WFDC11: variants seen among roughly 807,000 people sequenced by gnomAD.
WFDC11 encodes the protein WAP four-disulfide core domain 11.
A neutral mutation model predicts 9.9 loss-of-function variants in WFDC11; 9 were observed. The ratio of observed to expected loss-of-function variants is 0.91; its 90% CI spans 0.55 to 1.58. The LOEUF is 1.58. Among genes scored for constraint, WFDC11 ranks in the 40% most tolerant of loss-of-function variants. WFDC11 has a pLI of 0.00. For missense variants in WFDC11, 106 were observed against 101.7 expected, an observed-to-expected ratio of 1.04 and a Z score of -0.18; for synonymous variants, 32 against 33.3, an observed-to-expected ratio of 0.96 and a Z score of 0.13.
At position 45,649,287 on chromosome 20, in the gene WFDC11, G is replaced by C; in HGVS notation, c.213C>G (p.Thr71=). Residue 71 remains threonine, a synonymous_variant, in exon 4 of 5, where the codon ACC becomes ACG. Transcript: ENST00000324384. ...CKDKNYTCCW[T]YCGNICWINV... ...TTATCCAGCAGATGTTTCCACAATA[G>C]GTCCAGCAGCATGTGTAATTTTTGT... The C allele has an allele frequency of 6.2e-7, 1 of 1,613,906 alleles. No individual in the cohort carries two copies. The highest frequency in any genetic ancestry group is 1.3e-5 in the African/African-American group (1 of 74,942).
chr20:45,651,293 C>A (rs1288177544), intron 2 of WFDC11, among the ~76,000 whole-genome samples: 1 of 152,208 alleles, frequency 6.6e-6, no homozygotes, highest in African/African-American at 2.4e-5. Flanking sequence ...TGACATACAA[C>A]TTTTCAACTT....
chr20:45,665,865 C>T (rs1983177852), intron 2 of WFDC11, among the ~76,000 whole-genome samples: 1 of 152,170 alleles, frequency 6.6e-6, no homozygotes, highest in Admixed American at 6.5e-5. Flanking sequence ...CCCAGTTAGG[C>T]TACACAGGGG....
At chr20:45,654,336 G>C (rs1014431025) in intron 2 of WFDC11, among the ~76,000 whole-genome samples, 4 of 152,106 alleles carry the variant, frequency 2.6e-5, no homozygotes, top group Admixed American at 6.5e-5. Flanking sequence ...TGACTACTGG[G>C]TACATAACAA....
At chr20:45,661,632 A>T (rs1296921676) in intron 2 of WFDC11, among the ~76,000 whole-genome samples, 2 of 152,086 alleles carry the variant, frequency 1.3e-5, no homozygotes, top group Non-Finnish European at 2.9e-5. Context: ...AGCTTTCTAC[A>T]TATGGCTAGC....
Position 45,663,468 on chromosome 20 carries a change from G to A in WFDC11, c.-52+3620C>T, listed in dbSNP as rs138939848. ...CTTAGTTATTTCTTGCCTTCTGCTA[G>A]CTTTTGAATTTGTTTGCTCTTGCTT... On this transcript the variant is annotated intron_variant, in intron 2 of 4. Transcript: ENST00000324384. 9.1e-3 allele frequency among the ~76,000 whole-genome samples: 1,389 copies of A among 152,142 alleles called. 24 individuals are homozygous for A. The highest frequency in any genetic ancestry group is 0.032 in the African/African-American group (1,319 of 41,480).
intron 2 of WFDC11, among the ~76,000 whole-genome samples, 168 bp downstream of exon 2, chr20:45,666,920 G>C (rs1181950437): frequency 6.6e-6 from 1 of 152,138 alleles, no homozygotes; most frequent in Non-Finnish European, 1.5e-5. Flanking sequence ...ATCTTTCTCT[G>C]TCTCAGTTTC....
chr20:45,655,817 T>G (rs1468752273), intron 2 of WFDC11, among the ~76,000 whole-genome samples: 1 of 152,082 alleles, frequency 6.6e-6, no homozygotes, highest in Non-Finnish European at 1.5e-5. Flanking sequence ...AAATCATGAG[T>G]GAACTCCCAT....
intron 4 of WFDC11, 132 bp from the exon 5 acceptor site, chr20:45,648,871 G>A (rs1484835325): frequency 9.9e-7 from 1 of 1,008,872 alleles, no homozygotes; most frequent in Non-Finnish European, 1.5e-6. Flanking sequence ...AACAGGAGTT[G>A]TCCACTTCTG....
rs971043919 is a variant in WFDC11 at position 45,662,862 on chromosome 20, G to C, written c.-52+4226C>G. Among the ~76,000 whole-genome samples, 9 of 152,320 alleles carry C rather than the reference G, an allele frequency of 5.9e-5. No individual in the cohort carries two copies. The East Asian group carries it at 1.7e-3, about 29-fold the overall frequency. ...GATTTTTGCAGCAATGTTCATCAGG[G>C]ATATTGGTATAAAATTATCTTTTAT... On this transcript the variant is annotated intron_variant, in intron 2 of 4. Coordinates refer to ENST00000324384, the MANE Select transcript of WFDC11 (RefSeq NM_147197.2).
intron 2 of WFDC11, among the ~76,000 whole-genome samples, chr20:45,665,035 A>T (rs1302690741): frequency 6.6e-6 from 1 of 152,174 alleles, no homozygotes; most frequent in Non-Finnish European, 1.5e-5. Context: ...CATTCTTCTC[A>T]TCACTTTCAG....
chr20:45,666,077 C>A (rs528209203), intron 2 of WFDC11, among the ~76,000 whole-genome samples: 1 of 152,340 alleles, frequency 6.6e-6, no homozygotes, highest in South Asian at 2.1e-4. Flanking sequence ...ATGGGCTCTG[C>A]CTAATTTGAG....
intron 2 of WFDC11, among the ~76,000 whole-genome samples, chr20:45,652,940 C>G (rs914231905): frequency 5.3e-5 from 8 of 152,094 alleles, no homozygotes; most frequent in Non-Finnish European, 7.4e-5. Context: ...TGTGAAAAGA[C>G]CAAATCTTCG....
intron 2 of WFDC11, among the ~76,000 whole-genome samples, chr20:45,663,592 C>T (rs1253857306): frequency 6.6e-6 from 1 of 152,188 alleles, no homozygotes; most frequent in Non-Finnish European, 1.5e-5. Flanking sequence ...CTATGCACTG[C>T]TTAAAATGTG....
chr20:45,653,865 C>G (rs1982863219), intron 2 of WFDC11, among the ~76,000 whole-genome samples: 1 of 152,154 alleles, frequency 6.6e-6, no homozygotes, highest in Non-Finnish European at 1.5e-5. Context: ...GGGATCAATT[C>G]AACAAGAAGA....
chr20:45,656,372 T>C (rs892744481), intron 2 of WFDC11, among the ~76,000 whole-genome samples: 1 of 152,232 alleles, frequency 6.6e-6, no homozygotes. Context: ...CTGGGAAAAC[T>C]GGCTAGCCAT....
chr20:45,655,191 C>T (rs1291216531), intron 2 of WFDC11, among the ~76,000 whole-genome samples: 2 of 152,208 alleles, frequency 1.3e-5, no homozygotes, highest in African/African-American at 2.4e-5. Context: ...CAATAAAATA[C>T]TGGCAAACTG....
intron 4 of WFDC11, among the ~76,000 whole-genome samples, 173 bp from the exon 5 acceptor site, chr20:45,648,912 G>T (rs1346798856): frequency 6.6e-6 from 1 of 152,190 alleles, no homozygotes; most frequent in Non-Finnish European, 1.5e-5. Flanking sequence ...AAAAAAGGTG[G>T]AGACTTTGGG....
intron 2 of WFDC11, among the ~76,000 whole-genome samples, chr20:45,665,807 G>T (rs1983176528): frequency 6.6e-6 from 1 of 152,114 alleles, no homozygotes; most frequent in Non-Finnish European, 1.5e-5. Flanking sequence ...GTCCCAGAGG[G>T]GCACTTGGCC....
At chr20:45,661,114 T>C (rs1046563751) in intron 2 of WFDC11, among the ~76,000 whole-genome samples, 42 of 152,194 alleles carry the variant, frequency 2.8e-4, no homozygotes, top group Non-Finnish European at 4.4e-4. Context: ...CCATTCTAAC[T>C]GGTGTGAGAT....
Sources: gnomAD v4.1 joint callset for allele counts (sites outside exome capture counted in the v4.1 genomes callset) on GRCh38, gnomAD v4.1.1 for gene constraint, MANE v1.5 for transcripts, NCBI Gene and HGNC (gene_info 2026-07-23, HGNC 2026-07-21) for gene names.